Variants in SSPN observed in about 807,000 individuals in gnomAD.
The protein encoded by SSPN is K-ras oncogene-associated protein.
A neutral mutation model predicts 19.1 loss-of-function variants in SSPN; 15 were observed. The ratio of observed to expected loss-of-function variants is 0.78; its 90% CI spans 0.52 to 1.21. The LOEUF is 1.21. Among genes scored for constraint, SSPN ranks in the 50% most tolerant of loss-of-function variants. The pLI is 0.00. For synonymous variants in SSPN, 147 were observed against 140.3 expected, an observed-to-expected ratio of 1.05 and a Z score of -0.34; for missense variants, 291 against 314.0, an observed-to-expected ratio of 0.93 and a Z score of 0.55.
rs751055068 is a variant in SSPN, at chr12:26,122,620, C to A, written c.-31+468C>A. The stretch of plus-strand genomic sequence containing the variant: ...GGCCCCAGAAGCGCGGCTGCCGCCG[C>A]CGCCGCGCCGCCCCCCGGGCCGCCG... On this transcript the variant is annotated intron_variant, in intron 1 of 2. Transcript: ENST00000538142. The A allele has an allele frequency of 1.7e-6, 2 of 1,173,838 alleles. 1 individual carries two copies. The allele number at this position is 1,173,838 out of a possible 1,614,324, so 72.7% of individuals were successfully genotyped here. A position where few individuals can be genotyped will look rare whatever the true frequency, so the allele number is the denominator to read the frequency against.
intron 2 of SSPN, among the ~76,000 whole-genome samples, chr12:26,229,063 C>G (rs1272937010): frequency 6.6e-6 from 1 of 152,100 alleles, no homozygotes; most frequent in African/African-American, 2.4e-5. Flanking sequence ...TGAGTATAAT[C>G]ATTGTTATGT....
At chr12:26,123,959 C>A in intron 1 of SSPN, 1 of 866,690 alleles carries the variant, frequency 1.2e-6, no homozygotes. Context: ...CGGTATAGCA[C>A]AAGTTTTAAG....
In SSPN at chr12:26,195,759, G is replaced by A. The variant is rs1338816115; in HGVS notation, c.87G>A (p.Pro29=). 2 of 1,494,116 alleles carry A rather than the reference G, an allele frequency of 1.3e-6. No individual in the cohort carries two copies. The highest frequency in any genetic ancestry group is 2.2e-5 in the Admixed American group (1 of 44,906). 92.6% of individuals were successfully genotyped at this position (1,494,116 alleles called of 1,614,324 possible). The change falls in exon 1 of 3, where the codon CCG becomes CCA. Residue 29 remains proline (P), a synonymous_variant. Coordinates refer to ENST00000242729, the MANE Select transcript of SSPN (RefSeq NM_005086.5). ...ADAAGPDDME[P]KKGTGAPKEC... ...CCGCTGGGCCCGACGACATGGAGCC[G>A]AAGAAGGGCACGGGGGCCCCCAAGG...
chr12:26,144,810 A>G (rs1944480411), intron 1 of SSPN, among the ~76,000 whole-genome samples: 1 of 152,242 alleles, frequency 6.6e-6, no homozygotes. Flanking sequence ...AGAATGGATT[A>G]TCTACTAAAT....
chr12:26,124,868 A>T (rs906851104), intron 1 of SSPN: 1 of 1,279,284 alleles, frequency 7.8e-7, no homozygotes, highest in Non-Finnish European at 1.1e-6. Flanking sequence ...CCTTGGGGGG[A>T]TCTGTGCGTC....
intron 2 of SSPN, among the ~76,000 whole-genome samples, chr12:26,229,881 C>T (rs1945212349): frequency 6.6e-6 from 1 of 152,200 alleles, no homozygotes; most frequent in East Asian, 1.9e-4. Context: ...ACAAGTTTTG[C>T]TCAGAATATT....
intron 1 of SSPN, among the ~76,000 whole-genome samples, chr12:26,159,074 C>A (rs550344718): frequency 6.6e-6 from 1 of 152,322 alleles, no homozygotes; most frequent in African/African-American, 2.4e-5. Context: ...AGGAAAGGGA[C>A]CTCTGCCCAT....
At chr12:26,164,439 C>A (rs7300970) in intron 1 of SSPN, among the ~76,000 whole-genome samples, 1 of 152,002 alleles carries the variant, frequency 6.6e-6, no homozygotes, top group Non-Finnish European at 1.5e-5. Flanking sequence ...CTTTGGGAGG[C>A]CGAGGTGGAA....
intron 1 of SSPN, among the ~76,000 whole-genome samples, chr12:26,203,933 A>T (rs1944908038): frequency 6.6e-6 from 1 of 152,170 alleles, no homozygotes; most frequent in Admixed American, 6.5e-5. Context: ...TCCTCTTCTC[A>T]TGAATCCTCC....
intron 1 of SSPN, among the ~76,000 whole-genome samples, chr12:26,201,032 TA>T (rs1490824868): frequency 2.6e-4 from 10 of 38,200 alleles, no homozygotes; most frequent in African/African-American, 8.9e-4. Context: ...TATATATATA[TA>T]TATATATATA....
At chr12:26,220,879 C>A (rs1357795886) in intron 1 of SSPN, among the ~76,000 whole-genome samples, 1 of 152,088 alleles carries the variant, frequency 6.6e-6, no homozygotes, top group Non-Finnish European at 1.5e-5. Context: ...TCAAACACAC[C>A]CACTCCCTAT....
intron 1 of SSPN, among the ~76,000 whole-genome samples, chr12:26,183,030 T>C (rs1944730031): frequency 6.6e-6 from 1 of 152,160 alleles, no homozygotes; most frequent in Admixed American, 6.5e-5. Context: ...CCTCCCAAAG[T>C]GCTTGGATTA....
chr12:26,163,509 T>A (rs1022618589), intron 1 of SSPN, among the ~76,000 whole-genome samples: 15 of 152,188 alleles, frequency 9.9e-5, no homozygotes, highest in African/African-American at 3.6e-4. Flanking sequence ...AAGATCAAGG[T>A]GCCAGCATCT....
At chr12:26,194,152 A>G (rs1944805959), upstream of SSPN, among the ~76,000 whole-genome samples, 1 of 152,178 alleles carries the variant, frequency 6.6e-6, no homozygotes, top group African/African-American at 2.4e-5. Context: ...TGATGGGATC[A>G]TTTTTTAGTG....
At chr12:26,123,319 T>C (rs940935257) in intron 1 of SSPN, 26 of 1,200,112 alleles carry the variant, frequency 2.2e-5, no homozygotes, top group Non-Finnish European at 2.8e-5. Flanking sequence ...AATCCACCAG[T>C]TGACGAGAGA....
Position 26,195,727 on chromosome 12 carries a change from G to C in SSPN, c.55G>C (p.Ala19Pro). 8.1e-7 allele frequency: 1 copy of C among 1,233,182 alleles called. No individual in the cohort carries two copies. The highest frequency in any genetic ancestry group is 1.0e-6 in the Non-Finnish European group (1 of 973,224). 76.4% of individuals were successfully genotyped at this position (1,233,182 alleles called of 1,614,324 possible). Residue 19 changes from alanine to proline, a missense_variant, in exon 1 of 3, where the codon GCG (alanine) becomes CCG (proline). Transcript: ENST00000242729. ...GCAGAGGCAGGGGGGCCCGCCGGCC[G>C]CGGACGCCGCTGGGCCCGACGACAT... The part of the protein sequence containing the change: ...GQQRQGGPPA[A>P]DAAGPDDMEP...
chr12:26,177,938 T>C (rs557406073), intron 1 of SSPN, among the ~76,000 whole-genome samples: 18 of 152,344 alleles, frequency 1.2e-4, no homozygotes, highest in African/African-American at 4.1e-4. Context: ...TATATTCTCA[T>C]ATGAATGGTC....
intron 1 of SSPN, chr12:26,122,483 C>A: frequency 1.5e-6 from 2 of 1,332,060 alleles, no homozygotes; most frequent in Non-Finnish European, 1.9e-6. Context: ...AGAAGGGGGC[C>A]GCGGCGGCCG....
intron 1 of SSPN, among the ~76,000 whole-genome samples, chr12:26,172,234 C>T (rs1463647402): frequency 6.6e-6 from 1 of 152,106 alleles, no homozygotes; most frequent in African/African-American, 2.4e-5. Context: ...ATACATTCAC[C>T]TTAGAATTTT....
Sources: gnomAD v4.1 joint callset for allele counts (sites outside exome capture counted in the v4.1 genomes callset) on GRCh38, gnomAD v4.1.1 for gene constraint, MANE v1.5 for transcripts, NCBI Gene and HGNC (gene_info 2026-07-23, HGNC 2026-07-21) for gene names.